Variants in SLC52A3 observed in about 807,000 individuals in gnomAD.
The protein encoded by SLC52A3 is solute carrier family 52, riboflavin transporter, member 3.
A neutral mutation model predicts 29.5 loss-of-function variants in SLC52A3; 20 were observed. That is an observed-to-expected ratio of 0.68 (90% CI 0.48 to 0.99). SLC52A3 has a LOEUF of 0.99. SLC52A3 is among the 50% of genes least tolerant of loss of function. The probability of loss-of-function intolerance (pLI) is 0.00; values close to 1 mark genes in which losing one functional copy is unlikely to be tolerated. For missense variants in SLC52A3, 548 were observed against 612.9 expected (o/e 0.89, Z 1.12); for synonymous variants, 301 against 271.0 (o/e 1.11, Z -1.09).
At chr20:764,540 A>AGAATCCCCCACCTCAGGGG (rs1338697698) in intron 2 of SLC52A3, among the ~76,000 whole-genome samples, 1 of 26,766 alleles carries the variant, frequency 3.7e-5, no homozygotes, top group African/African-American at 9.3e-5. Context: ...CCACCTAAGG[A>AGAATCCCCCACCTCAGGGG]AGAACACTGC....
At chr20:779,455 C>G (rs1987153609), upstream of SLC52A3, among the ~76,000 whole-genome samples, 1 of 152,128 alleles carries the variant, frequency 6.6e-6, no homozygotes, top group African/African-American at 2.4e-5. Flanking sequence ...AACCCTGTCT[C>G]TACTAAAAAT....
chr20:763,801 T>A lies in SLC52A3; in HGVS notation c.770A>T (p.Asn257Ile). 4 of 1,614,060 alleles carry A rather than the reference T, an allele frequency of 2.5e-6. No homozygotes were observed. The highest frequency in any genetic ancestry group is 3.4e-6 in the Non-Finnish European group (4 of 1,179,962). The change falls in exon 3 of 5, where the codon AAT becomes ATT. Residue 257 changes from asparagine to isoleucine, a missense_variant. Coordinates refer to ENST00000645534, the MANE Select transcript of SLC52A3 (RefSeq NM_033409.4). ...CWEASVEDLL[N>I]DQVTLHSIRP... ...GATGGAGTGGAGGGTGACCTGGTCA[T>A]TGAGGAGGTCTTCCACGGAAGCCTC...
Position 761,157 on chromosome 20 carries a change from T to C in SLC52A3, c.1279A>G (p.Ser427Gly). ...GCCGCCCCGCACCACAAGAGGGCGC[T>C]GCGGCTGAGGTCGCGCAGGACCACG... ...LGVVLRDLSR[S>G]ALLWCGAAVQ... The change falls in exon 5 of 5, where the codon AGC (serine) becomes GGC (glycine). Residue 427 changes from serine (S) to glycine (G), a missense_variant. Ser to Gly is a moderately conservative substitution (Grantham distance 56). This residue lies in a region of SLC52A3 where 173 missense variants were observed against 141.8 expected (regional missense o/e 1.22). Transcript: ENST00000645534. 6.3e-7 allele frequency: 1 copy of C among 1,583,910 alleles called. No homozygotes were observed. Among genetic ancestry groups the C allele is most frequent in the Non-Finnish European group, 8.6e-7 (1 of 1,166,442 alleles).
At chr20:773,817 G>T (rs1986922902) in intron 1 of SLC52A3, among the ~76,000 whole-genome samples, 1 of 152,192 alleles carries the variant, frequency 6.6e-6, no homozygotes, top group Non-Finnish European at 1.5e-5. Flanking sequence ...CCCAGCCCAA[G>T]AAAGTGAAGA....
chr20:761,307 C>A, intron 4 of SLC52A3, 69 bp from the exon 5 acceptor site: 1 of 1,448,456 alleles, frequency 6.9e-7, no homozygotes, highest in South Asian at 1.3e-5. Flanking sequence ...GCAAAGAACT[C>A]TCACAGGGCT....
At chr20:766,762 G>A (rs1986699904) in intron 1 of SLC52A3, among the ~76,000 whole-genome samples, 2 of 152,208 alleles carry the variant, frequency 1.3e-5, no homozygotes, top group Non-Finnish European at 2.9e-5. Flanking sequence ...CACAAAGCCT[G>A]TTTGATGGTC....
At chr20:776,618 C>T, upstream of SLC52A3, among the ~76,000 whole-genome samples, 1 of 152,258 alleles carries the variant, frequency 6.6e-6, no homozygotes, top group South Asian at 2.1e-4. Flanking sequence ...AATACTGTAA[C>T]CACCTGAGGG....
chr20:777,318 C>A (rs1987083896), upstream of SLC52A3, among the ~76,000 whole-genome samples: 1 of 151,792 alleles, frequency 6.6e-6, no homozygotes, highest in Non-Finnish European at 1.5e-5. Flanking sequence ...GGCCAACCTG[C>A]AACAGTGGTG....
At position 760,957 on chromosome 20, in the gene SLC52A3, G is replaced by A; in HGVS notation, c.*69C>T. ...CTCTGTCTCTCTGTTCCTGCCCCTT[G>A]CTCTGTGACCTGGCCTCTCTGGACC... On this transcript the variant is annotated 3_prime_UTR_variant, in exon 5 of 5. Transcript: ENST00000645534. This position sits in a 1 kb window ranked among gnomAD's most constrained non-coding sequence, Gnocchi z 4.9. 4 of 1,446,910 alleles carry A rather than the reference G, an allele frequency of 2.8e-6. No homozygotes were observed. The highest frequency in any genetic ancestry group is 2.1e-4 in the Middle Eastern group (1 of 4,760). The allele number at this position is 1,446,910 out of a possible 1,614,324, so 89.6% of individuals were successfully genotyped here.
chr20:761,561 G>C, intron 4 of SLC52A3, 140 bp downstream of exon 4: 1 of 1,288,408 alleles, frequency 7.8e-7, no homozygotes, highest in Non-Finnish European at 1.1e-6. Flanking sequence ...AATGAGGAAG[G>C]GGCGCTTCCC....
At chr20:772,072 T>G (rs1295248242), upstream of SLC52A3, among the ~76,000 whole-genome samples, 3 of 152,254 alleles carry the variant, frequency 2.0e-5, no homozygotes, top group Non-Finnish European at 4.4e-5. Flanking sequence ...GCTATTAAAC[T>G]AATGAGAGTG....
At chr20:771,160 G>A (rs534888287), upstream of SLC52A3, among the ~76,000 whole-genome samples, 10 of 152,314 alleles carry the variant, frequency 6.6e-5, no homozygotes, top group Admixed American at 3.3e-4. Flanking sequence ...TGGCTCACTC[G>A]TATAATTCCA....
Position 765,886 on chromosome 20 carries a change from C to T in SLC52A3, c.-51-61G>A. ...TTCACCACCTAGCAAGATGCTGGGA[C>T]CTGGGGCCCAGAGTTTTCTCTTATT... On this transcript the variant is annotated intron_variant, in intron 1 of 4. Coordinates refer to ENST00000645534, the MANE Select transcript of SLC52A3 (RefSeq NM_033409.4). This position sits in a 1 kb window ranked among gnomAD's most constrained non-coding sequence, Gnocchi z 6.6. The T allele has an allele frequency of 9.3e-7, 1 of 1,070,932 alleles. No homozygotes were observed. Among genetic ancestry groups the T allele is most frequent in the Non-Finnish European group, 1.4e-6 (1 of 716,556 alleles). 66.3% of individuals were successfully genotyped at this position (1,070,932 alleles called of 1,614,324 possible). A position where few individuals can be genotyped will look rare whatever the true frequency, so the allele number is the denominator to read the frequency against.
At chr20:778,571 G>A (rs1295677401), upstream of SLC52A3, among the ~76,000 whole-genome samples, 1 of 152,116 alleles carries the variant, frequency 6.6e-6, no homozygotes, top group African/African-American at 2.4e-5. Flanking sequence ...AAAGAACCAT[G>A]AAAGGTGGAG....
rs1383407236 is a variant in SLC52A3 at position 761,064 on chromosome 20, A to G, written c.1372T>C (p.Ser458Pro). 1 of 1,609,950 alleles carries G rather than the reference A, an allele frequency of 6.2e-7. No individual in the cohort carries two copies. The highest frequency in any genetic ancestry group is 8.5e-7 in the Non-Finnish European group (1 of 1,178,798). Reference protein sequence around the residue: ...FPLVNVLRLFSSADFCNLHCP... With the variant: ...FPLVNVLRLFPSADFCNLHCP... Reference sequence around the variant, plus strand: ...TGCAGATTGCAGAAGTCCGCGGACGAGAAGAGCCGCAGCACGTTGACCAGA... The same window carrying G: ...TGCAGATTGCAGAAGTCCGCGGACGGGAAGAGCCGCAGCACGTTGACCAGA... Residue 458 changes from serine (S) to proline (P), a missense_variant, in exon 5 of 5, where the codon TCG becomes CCG. Ser to Pro is a moderately conservative substitution (Grantham distance 74). Around this residue, in one of 2 missense-constraint regions of SLC52A3, gnomAD observed 173 missense variants for 141.8 expected, o/e 1.22. Coordinates refer to ENST00000645534, the MANE Select transcript of SLC52A3 (RefSeq NM_033409.4).
At chr20:768,952 C>T (rs985787823), upstream of SLC52A3, among the ~76,000 whole-genome samples, 1 of 152,248 alleles carries the variant, frequency 6.6e-6, no homozygotes, top group Non-Finnish European at 1.5e-5. Context: ...TCCAGGAGAC[C>T]TCTGGCTGCC....
rs112724277 is a variant in SLC52A3 at position 761,426 on chromosome 20, A to C, written c.1198-188T>G. On this transcript the variant is annotated intron_variant, in intron 4 of 4. Transcript: ENST00000645534. The stretch of plus-strand genomic sequence containing the variant: ...GCCGCCCGGGGGCGAAGGAGAATCC[A>C]GTGGCTTTTCTGGGTTCACGTGCCC... The C allele has an allele frequency of 3.9e-5, 30 of 775,534 alleles. No individual in the cohort carries two copies. The African/African-American group carries it at 5.1e-4, about 13-fold the overall frequency. 48.0% of individuals were successfully genotyped at this position (775,534 alleles called of 1,614,324 possible).
intron 4 of SLC52A3, 61 bp downstream of exon 4, chr20:761,640 C>A: frequency 6.2e-7 from 1 of 1,606,056 alleles, no homozygotes. Context: ...CAAGCTCTCC[C>A]AGGCCTTGGC....
In SLC52A3 at chr20:765,130, T is replaced by C; in HGVS notation, c.567+78A>G. 6.6e-7 allele frequency: 1 copy of C among 1,512,032 alleles called. No homozygotes were observed. Among genetic ancestry groups the C allele is most frequent in the East Asian group, 2.3e-5 (1 of 44,376 alleles). 93.7% of individuals were successfully genotyped at this position (1,512,032 alleles called of 1,614,324 possible). A position where few individuals can be genotyped will look rare whatever the true frequency, so the allele number is the denominator to read the frequency against. On this transcript the variant is annotated intron_variant, in intron 2 of 4. Coordinates refer to ENST00000645534, the MANE Select transcript of SLC52A3 (RefSeq NM_033409.4). This position sits in a 1 kb window ranked among gnomAD's most constrained non-coding sequence, Gnocchi z 6.6. ...AGGCCGACCAAAGAACCTAGAAGGA[T>C]GGAGGTGAGCAGTTTTTCCCTCCCC...
Sources: gnomAD v4.1 joint callset for allele counts (sites outside exome capture counted in the v4.1 genomes callset) on GRCh38, gnomAD v4.1.1 for gene constraint, gnomAD v4.1.1 regional missense constraint, Gnocchi (gnomAD v3.1) non-coding constraint, MANE v1.5 for transcripts, NCBI Gene and HGNC (gene_info 2026-07-23, HGNC 2026-07-21) for gene names.